ZNF830: variants seen among roughly 807,000 people sequenced by gnomAD.
ZNF830 encodes coiled-coil domain containing 16.
Under a neutral mutation model 28.1 loss-of-function variants are expected in ZNF830, and 15 were observed. That is an observed-to-expected ratio of 0.53 (90% CI 0.36 to 0.82). The LOEUF is 0.82. Ranked by LOEUF, ZNF830 falls within the 40% of genes least tolerant of loss-of-function variation. The pLI, the probability that ZNF830 is intolerant of heterozygous loss-of-function variation, is 0.01. For missense variants in ZNF830, 456 were observed against 467.7 expected (o/e 0.97, Z 0.23); for synonymous variants, 208 against 185.3 (o/e 1.12, Z -0.99).
At position 34,961,743 on chromosome 17, in the gene ZNF830, G is replaced by A. The variant is rs1340974564; in HGVS notation, c.177G>A (p.Pro59=). Residue 59 remains proline (P), a synonymous_variant, in exon 1 of 1, where the codon CCG becomes CCA. Coordinates refer to ENST00000361952, the MANE Select transcript of ZNF830 (RefSeq NM_052857.4). The stretch of plus-strand genomic sequence containing the variant: ...TGAGTTGTGCCCTGTGTAACACTCC[G>A]GTTAAGAGCGAGCTCCTGTGGCAGA... ...GQLSCALCNT[P]VKSELLWQTH... The A allele has an allele frequency of 6.2e-7, 1 of 1,614,150 alleles. No homozygotes were observed. Among genetic ancestry groups the A allele is most frequent in the African/African-American group, 1.3e-5 (1 of 75,044 alleles).
Position 34,961,552 on chromosome 17 carries a change from G to C in ZNF830, c.-15G>C, listed in dbSNP as rs759895568. On this transcript the variant is annotated 5_prime_UTR_variant, in exon 1 of 1. Transcript: ENST00000361952. Reference sequence around the variant, plus strand: ...CCCGACGGAAACCAGAATCGTTTTGGGTCTGGTCGCCAAGATGGCGTCCTC... The same window carrying C: ...CCCGACGGAAACCAGAATCGTTTTGCGTCTGGTCGCCAAGATGGCGTCCTC... The C allele has an allele frequency of 1.5e-5, 24 of 1,611,552 alleles. No individual in the cohort carries two copies. Among genetic ancestry groups the C allele is most frequent in the East Asian group, 1.3e-4 (6 of 44,858 alleles).
rs1016644636 is a variant in ZNF830, at chr17:34,962,340, A to G, written c.774A>G (p.Ala258=). 3 of 1,614,176 alleles carry G rather than the reference A, an allele frequency of 1.9e-6. No individual in the cohort carries two copies. Among genetic ancestry groups the G allele is most frequent in the Non-Finnish European group, 2.5e-6 (3 of 1,180,046 alleles). Residue 258 remains alanine, a synonymous_variant, in exon 1 of 1, where the codon GCA becomes GCG. Transcript: ENST00000361952. ...EGFFDDPEVD[A]RVRKVDAPKD... ...TTTTTGACGACCCTGAGGTAGATGC[A>G]AGAGTACGAAAGGTTGATGCTCCAA...
rs757256936 is a variant in ZNF830 at position 34,961,797 on chromosome 17, G to C, written c.231G>C (p.Glu77Asp). The change falls in exon 1 of 1, where the codon GAG (glutamate) becomes GAC (aspartate). Residue 77 changes from glutamate (E) to aspartate (D), a missense_variant. Physicochemically the swap from Glu to Asp is conservative, Grantham distance 45. Coordinates refer to ENST00000361952, the MANE Select transcript of ZNF830 (RefSeq NM_052857.4). ...QTHVLGKQHR[E>D]KVAELKGAKE... ...ACGTCCTGGGAAAGCAGCACCGAGAGAAAGTGGCCGAGCTGAAAGGCGCGA... is the reference window on the plus strand; with the variant it reads ...ACGTCCTGGGAAAGCAGCACCGAGACAAAGTGGCCGAGCTGAAAGGCGCGA... 6.2e-7 allele frequency: 1 copy of C among 1,614,052 alleles called. No individual in the cohort carries two copies. Among genetic ancestry groups the C allele is most frequent in the South Asian group, 1.1e-5 (1 of 91,076 alleles).
chr17:34,961,753 G>C lies in ZNF830; in HGVS notation c.187G>C (p.Glu63Gln), dbSNP rs780742610. Residue 63 changes from glutamate (E) to glutamine (Q), a missense_variant, in exon 1 of 1, where the codon GAG (glutamate) becomes CAG (glutamine). Physicochemically the swap from Glu to Gln is conservative, Grantham distance 29 (BLOSUM62 2). This residue lies in a region of ZNF830 where 331 missense variants were observed against 290.1 expected (regional missense o/e 1.14). Coordinates refer to ENST00000361952, the MANE Select transcript of ZNF830 (RefSeq NM_052857.4). Reference protein sequence around the residue: ...CALCNTPVKSELLWQTHVLGK... With the variant: ...CALCNTPVKSQLLWQTHVLGK... ...CCTGTGTAACACTCCGGTTAAGAGC[G>C]AGCTCCTGTGGCAGACTCACGTCCT... 6.2e-7 allele frequency: 1 copy of C among 1,614,156 alleles called. No homozygotes were observed. Among genetic ancestry groups the C allele is most frequent in the Middle Eastern group, 1.6e-4 (1 of 6,062 alleles).
In ZNF830 at chr17:34,961,807, G is replaced by A; in HGVS notation, c.241G>A (p.Glu81Lys). The A allele has an allele frequency of 6.2e-7, 1 of 1,613,976 alleles. No individual in the cohort carries two copies. The highest frequency in any genetic ancestry group is 8.5e-7 in the Non-Finnish European group (1 of 1,180,004). ...LGKQHREKVAELKGAKEASQG... is the reference protein window; with the variant it reads ...LGKQHREKVAKLKGAKEASQG... ...AAAGCAGCACCGAGAGAAAGTGGCC[G>A]AGCTGAAAGGCGCGAAGGAAGCCAG... The change falls in exon 1 of 1, where the codon GAG (glutamate) becomes AAG (lysine). Residue 81 changes from glutamate to lysine, a missense_variant. This residue lies in a region of ZNF830 where 331 missense variants were observed against 290.1 expected (regional missense o/e 1.14). Transcript: ENST00000361952.
At position 34,963,723 on chromosome 17, in the gene ZNF830, C is replaced by G. The variant is rs914472306; in HGVS notation, c.*1038C>G. The G allele has an allele frequency of 6.6e-6, 1 of 152,166 alleles. No homozygotes were observed. Among genetic ancestry groups the G allele is most frequent in the Non-Finnish European group, 1.5e-5 (1 of 68,034 alleles). 9.4% of individuals were successfully genotyped at this position (152,166 alleles called of 1,614,324 possible). ...ATAGGAAAAGGGAATTAGCAGTGTTCTGGAGTTGAAATGCATACAGCATAT... is the reference window on the plus strand; with the variant it reads ...ATAGGAAAAGGGAATTAGCAGTGTTGTGGAGTTGAAATGCATACAGCATAT... On this transcript the variant is annotated 3_prime_UTR_variant, in exon 1 of 1. Coordinates refer to ENST00000361952, the MANE Select transcript of ZNF830 (RefSeq NM_052857.4).
At position 34,961,641 on chromosome 17, in the gene ZNF830, G is replaced by T; in HGVS notation, c.75G>T (p.Met25Ile). The T allele has an allele frequency of 6.2e-7, 1 of 1,614,210 alleles. No homozygotes were observed. The highest frequency in any genetic ancestry group is 8.5e-7 in the Non-Finnish European group (1 of 1,180,042). ...VINQEELRRL[M>I]KEKQRLSTSR... is the part of the protein sequence containing the mutation. Reference sequence around the variant, plus strand: ...ATCAGGAAGAATTGCGGCGGTTAATGAAGGAGAAGCAGCGTCTGAGCACCA... The same window carrying T: ...ATCAGGAAGAATTGCGGCGGTTAATTAAGGAGAAGCAGCGTCTGAGCACCA... The change falls in exon 1 of 1, where the codon ATG becomes ATT. Residue 25 changes from methionine to isoleucine, a missense_variant. Coordinates refer to ENST00000361952, the MANE Select transcript of ZNF830 (RefSeq NM_052857.4).
At position 34,963,310 on chromosome 17, in the gene ZNF830, A is replaced by G. The variant is rs1456926740; in HGVS notation, c.*625A>G. The G allele has an allele frequency of 2.0e-5, 3 of 153,668 alleles. No homozygotes were observed. The South Asian group carries it at 6.2e-4, about 32-fold the overall frequency. 9.5% of individuals were successfully genotyped at this position (153,668 alleles called of 1,614,324 possible). A position where few individuals can be genotyped will look rare whatever the true frequency, so the allele number is the denominator to read the frequency against. ...ACCTATGAAGCATTAAAATAATTAA[A>G]GTGTCTGAGGCCTTCCCCTTCAATA... On this transcript the variant is annotated 3_prime_UTR_variant, in exon 1 of 1. Coordinates refer to ENST00000361952, the MANE Select transcript of ZNF830 (RefSeq NM_052857.4).
In ZNF830 at chr17:34,961,914, G is replaced by C; in HGVS notation, c.348G>C (p.Ala116=). 2 of 1,614,184 alleles carry C rather than the reference G, an allele frequency of 1.2e-6. No homozygotes were observed. Among genetic ancestry groups the C allele is most frequent in the African/African-American group, 1.3e-5 (1 of 75,024 alleles). The change falls in exon 1 of 1, where the codon GCG becomes GCC. Residue 116 remains alanine (A), a synonymous_variant. Coordinates refer to ENST00000361952, the MANE Select transcript of ZNF830 (RefSeq NM_052857.4). ...CAGACGACCAAGATGTCAAGAGAGC[G>C]AAGGCCACCTTGGTGCCTCAGGTAC... ...PDADDQDVKR[A]KATLVPQVQP...
Position 34,962,491 on chromosome 17 carries a change from G to A in ZNF830, c.925G>A (p.Asp309Asn). The A allele has an allele frequency of 6.2e-7, 1 of 1,614,204 alleles. No homozygotes were observed. The highest frequency in any genetic ancestry group is 1.1e-5 in the South Asian group (1 of 91,086). The stretch of plus-strand genomic sequence containing the variant: ...GTTGGACCGCCAGATTGGGGAGATC[G>A]ATGAGCAGATAGAGTGTTACCGACG... ...GRLDRQIGEI[D>N]EQIECYRRVE... The change falls in exon 1 of 1, where the codon GAT (aspartate) becomes AAT (asparagine). Residue 309 changes from aspartate to asparagine, a missense_variant. Asp to Asn is a conservative substitution (Grantham distance 23). Around this residue, in one of 2 missense-constraint regions of ZNF830, gnomAD observed 125 missense variants for 177.7 expected, o/e 0.70. Coordinates refer to ENST00000361952, the MANE Select transcript of ZNF830 (RefSeq NM_052857.4).
rs764836739 is a variant in ZNF830 at position 34,962,175 on chromosome 17, T to C, written c.609T>C (p.Ser203=). The C allele has an allele frequency of 1.2e-6, 2 of 1,614,118 alleles. No homozygotes were observed. Among genetic ancestry groups the C allele is most frequent in the East Asian group, 4.5e-5 (2 of 44,886 alleles). Residue 203 remains serine (S), a synonymous_variant, in exon 1 of 1, where the codon AGT becomes AGC. Transcript: ENST00000361952. ...CCTCTTCACGGGAGGTAACAAGTAGTGTGCTGCCAAACGATTTCTTTAGTA... is the reference window on the plus strand; with the variant it reads ...CCTCTTCACGGGAGGTAACAAGTAGCGTGCTGCCAAACGATTTCTTTAGTA... The part of the protein sequence containing the change: ...SVSSSREVTS[S]VLPNDFFSTN...
At position 34,961,655 on chromosome 17, in the gene ZNF830, G is replaced by C; in HGVS notation, c.89G>C (p.Arg30Pro). Residue 30 changes from arginine to proline, a missense_variant, in exon 1 of 1, where the codon CGT (arginine) becomes CCT (proline). By Grantham distance (103) the Arg-to-Pro change is moderately radical. Coordinates refer to ENST00000361952, the MANE Select transcript of ZNF830 (RefSeq NM_052857.4). Reference sequence around the variant, plus strand: ...CGGCGGTTAATGAAGGAGAAGCAGCGTCTGAGCACCAGTCGGAAACGGATA... The same window carrying C: ...CGGCGGTTAATGAAGGAGAAGCAGCCTCTGAGCACCAGTCGGAAACGGATA... ...ELRRLMKEKQ[R>P]LSTSRKRIES... 2 of 1,614,216 alleles carry C rather than the reference G, an allele frequency of 1.2e-6. No homozygotes were observed. Among genetic ancestry groups the C allele is most frequent in the Non-Finnish European group, 1.7e-6 (2 of 1,180,034 alleles).
rs374954289 is a variant in ZNF830, at chr17:34,961,599, A to G, written c.33A>G (p.Ala11=). The G allele has an allele frequency of 1.2e-6, 2 of 1,614,064 alleles. No homozygotes were observed. The highest frequency in any genetic ancestry group is 1.3e-5 in the African/African-American group (1 of 75,054). MASSASARTP[A]GKRVINQEEL... ...CCTCCGCCTCCGCCCGGACTCCGGCAGGGAAGCGAGTGATAAATCAGGAAG... is the reference window on the plus strand; with the variant it reads ...CCTCCGCCTCCGCCCGGACTCCGGCGGGGAAGCGAGTGATAAATCAGGAAG... The change falls in exon 1 of 1, where the codon GCA becomes GCG. Residue 11 remains alanine (A), a synonymous_variant. Transcript: ENST00000361952.
In ZNF830 at chr17:34,962,485, G is replaced by C; in HGVS notation, c.919G>C (p.Glu307Gln). Residue 307 changes from glutamate to glutamine, a missense_variant, in exon 1 of 1, where the codon GAG becomes CAG. Coordinates refer to ENST00000361952, the MANE Select transcript of ZNF830 (RefSeq NM_052857.4). ...GGGACGGTTGGACCGCCAGATTGGG[G>C]AGATCGATGAGCAGATAGAGTGTTA... ...EEGRLDRQIGEIDEQIECYRR... is the reference protein window; with the variant it reads ...EEGRLDRQIGQIDEQIECYRR... 1 of 1,614,216 alleles carries C rather than the reference G, an allele frequency of 6.2e-7. No individual in the cohort carries two copies. Among genetic ancestry groups the C allele is most frequent in the Non-Finnish European group, 8.5e-7 (1 of 1,180,042 alleles).
chr17:34,961,551 G>A lies in ZNF830; in HGVS notation c.-16G>A, dbSNP rs754265490. 5.6e-6 allele frequency: 9 copies of A among 1,611,140 alleles called. No individual in the cohort carries two copies. In the East Asian group the frequency reaches 1.8e-4, roughly 32 times the overall value. On this transcript the variant is annotated 5_prime_UTR_variant, in exon 1 of 1. Transcript: ENST00000361952. The stretch of plus-strand genomic sequence containing the variant: ...GCCCGACGGAAACCAGAATCGTTTT[G>A]GGTCTGGTCGCCAAGATGGCGTCCT...
Position 34,961,796 on chromosome 17 carries a change from A to G in ZNF830, c.230A>G (p.Glu77Gly), listed in dbSNP as rs751489750. The G allele has an allele frequency of 5.0e-6, 8 of 1,613,890 alleles. No homozygotes were observed. The highest frequency in any genetic ancestry group is 6.8e-6 in the Non-Finnish European group (8 of 1,180,006). Residue 77 changes from glutamate to glycine, a missense_variant, in exon 1 of 1, where the codon GAG becomes GGG. Physicochemically the swap from Glu to Gly is moderately conservative, Grantham distance 98. Around this residue, in one of 2 missense-constraint regions of ZNF830, gnomAD observed 331 missense variants for 290.1 expected, o/e 1.14. Coordinates refer to ENST00000361952, the MANE Select transcript of ZNF830 (RefSeq NM_052857.4). Reference protein sequence around the residue: ...QTHVLGKQHREKVAELKGAKE... With the variant: ...QTHVLGKQHRGKVAELKGAKE... Reference sequence around the variant, plus strand: ...CACGTCCTGGGAAAGCAGCACCGAGAGAAAGTGGCCGAGCTGAAAGGCGCG... The same window carrying G: ...CACGTCCTGGGAAAGCAGCACCGAGGGAAAGTGGCCGAGCTGAAAGGCGCG...
chr17:34,961,590 G>A lies in ZNF830; in HGVS notation c.24G>A (p.Arg8=). 6.2e-7 allele frequency: 1 copy of A among 1,614,026 alleles called. No individual in the cohort carries two copies. The highest frequency in any genetic ancestry group is 8.5e-7 in the Non-Finnish European group (1 of 1,179,902). ...AGATGGCGTCCTCCGCCTCCGCCCG[G>A]ACTCCGGCAGGGAAGCGAGTGATAA... MASSASA[R]TPAGKRVINQ... Residue 8 remains arginine (R), a synonymous_variant, in exon 1 of 1, where the codon CGG becomes CGA. Coordinates refer to ENST00000361952, the MANE Select transcript of ZNF830 (RefSeq NM_052857.4).
chr17:34,963,691 T>G lies in ZNF830; in HGVS notation c.*1006T>G, dbSNP rs1336374069. On this transcript the variant is annotated 3_prime_UTR_variant, in exon 1 of 1. Transcript: ENST00000361952. Reference sequence around the variant, plus strand: ...TCACTCCTTCCTTTAGAGATTGAGGTACTCAAATAGGAAAAGGGAATTAGC... The same window carrying G: ...TCACTCCTTCCTTTAGAGATTGAGGGACTCAAATAGGAAAAGGGAATTAGC... 6.6e-6 allele frequency: 1 copy of G among 152,198 alleles called. No individual in the cohort carries two copies. The highest frequency in any genetic ancestry group is 1.5e-5 in the Non-Finnish European group (1 of 68,036). 9.4% of individuals were successfully genotyped at this position (152,198 alleles called of 1,614,324 possible). A position where few individuals can be genotyped will look rare whatever the true frequency, so the allele number is the denominator to read the frequency against.
Position 34,961,590 on chromosome 17 carries a change from G to C in ZNF830, c.24G>C (p.Arg8=). 6.2e-7 allele frequency: 1 copy of C among 1,614,026 alleles called. No homozygotes were observed. The highest frequency in any genetic ancestry group is 8.5e-7 in the Non-Finnish European group (1 of 1,179,902). Residue 8 remains arginine, a synonymous_variant, in exon 1 of 1, where the codon CGG becomes CGC. Transcript: ENST00000361952. ...AGATGGCGTCCTCCGCCTCCGCCCGGACTCCGGCAGGGAAGCGAGTGATAA... is the reference window on the plus strand; with the variant it reads ...AGATGGCGTCCTCCGCCTCCGCCCGCACTCCGGCAGGGAAGCGAGTGATAA... MASSASA[R]TPAGKRVINQ...
Sources: allele counts gnomAD v4.1 joint callset, GRCh38; gene constraint gnomAD v4.1.1; regional missense constraint gnomAD v4.1.1; transcripts MANE v1.5; gene names NCBI Gene and HGNC (gene_info 2026-07-23, HGNC 2026-07-21).